Variants in ZSWIM6 observed in about 807,000 individuals in gnomAD.
ZSWIM6 encodes the protein zinc finger SWIM-type containing 6, also known as zinc finger SWIM domain-containing protein 6.
ZSWIM6 carries 9 observed loss-of-function variants against 113.2 expected under a neutral mutation model. The ratio of observed to expected loss-of-function variants is 0.08; its 90% CI spans 0.05 to 0.14. The LOEUF is 0.14. Ranked by LOEUF, ZSWIM6 falls within the 10% of genes least tolerant of loss-of-function variation. The pLI, the probability that ZSWIM6 is intolerant of heterozygous loss-of-function variation, is 1.00. For synonymous variants in ZSWIM6, 611 were observed against 606.5 expected (o/e 1.01, Z -0.11); for missense variants, 1,162 against 1,552.2 (o/e 0.75, Z 4.22).
At chr5:61,400,028 G>C (rs1745912514) in intron 1 of ZSWIM6, among the ~76,000 whole-genome samples, 1 of 152,164 alleles carries the variant, frequency 6.6e-6, no homozygotes, top group Non-Finnish European at 1.5e-5. Flanking sequence ...TTCCTGAGGG[G>C]CATGGACGTG....
intron 1 of ZSWIM6, among the ~76,000 whole-genome samples, chr5:61,346,445 C>T (rs1425248387): frequency 6.6e-6 from 1 of 152,154 alleles, no homozygotes; most frequent in Non-Finnish European, 1.5e-5. Flanking sequence ...AGATTGTCAG[C>T]TGACCTATTG....
rs200558063 is a variant in ZSWIM6 at position 61,494,391 on chromosome 5, G to A, written c.1314G>A (p.Arg438=). Residue 438 remains arginine (R), a synonymous_variant, in exon 4 of 14, where the codon AGG becomes AGA. Coordinates refer to ENST00000252744, the MANE Select transcript of ZSWIM6 (RefSeq NM_020928.2). ...QQGTAMTDKY[R]QLWDELGALW... ...GCACTGCAATGACTGACAAATACAG[G>A]CAGCTCTGGGATGAGCTGGGTAAGC... 4.4e-5 allele frequency: 69 copies of A among 1,550,880 alleles called. No individual in the cohort carries two copies. Among genetic ancestry groups the A allele is most frequent in the East Asian group, 3.4e-4 (14 of 40,924 alleles).
At chr5:61,432,464 C>T (rs369611619) in intron 1 of ZSWIM6, among the ~76,000 whole-genome samples, 3 of 152,280 alleles carry the variant, frequency 2.0e-5, no homozygotes, top group Admixed American at 6.5e-5. Context: ...GAACTGAATC[C>T]GTGTTGTGGA....
At chr5:61,398,262 G>A (rs866872461) in intron 1 of ZSWIM6, among the ~76,000 whole-genome samples, 14 of 152,302 alleles carry the variant, frequency 9.2e-5, no homozygotes, top group African/African-American at 3.4e-4. Flanking sequence ...GATCAGCAGA[G>A]ATTCTGATTC....
Position 61,544,507 on chromosome 5 carries a change from T to G in ZSWIM6, c.*190T>G, listed in dbSNP as rs1336152615. On this transcript the variant is annotated 3_prime_UTR_variant, in exon 14 of 14. Coordinates refer to ENST00000252744, the MANE Select transcript of ZSWIM6 (RefSeq NM_020928.2). ...TGTGTGTTTTTTATTTTTTCCCTAT[T>G]TCTTTCTTTCCTTTATTTTATTATT... 3 of 329,882 alleles carry G rather than the reference T, an allele frequency of 9.1e-6. No homozygotes were observed. The Admixed American group carries it at 1.4e-4, about 15-fold the overall frequency. 20.4% of individuals were successfully genotyped at this position (329,882 alleles called of 1,614,324 possible).
chr5:61,333,135 C>T (rs1041097810), intron 1 of ZSWIM6, among the ~76,000 whole-genome samples, 187 bp downstream of exon 1: 1 of 151,794 alleles, frequency 6.6e-6, no homozygotes, highest in African/African-American at 2.4e-5. Flanking sequence ...CCCTGCCCCC[C>T]GTCGCCCCGG....
At chr5:61,513,807 C>T (rs1389322507) in intron 4 of ZSWIM6, among the ~76,000 whole-genome samples, 1 of 151,982 alleles carries the variant, frequency 6.6e-6, no homozygotes, top group African/African-American at 2.4e-5. Context: ...CTATTCTGTT[C>T]CTTTGATCTA....
chr5:61,491,038 A>G, intron 3 of ZSWIM6, 104 bp downstream of exon 3: 2 of 1,177,904 alleles, frequency 1.7e-6, no homozygotes, highest in Non-Finnish European at 2.3e-6. Flanking sequence ...TAAAAATTAA[A>G]GAACAGGGTC....
At chr5:61,447,778 C>T (rs74320437) in intron 1 of ZSWIM6, among the ~76,000 whole-genome samples, 25,903 of 152,148 alleles carry the variant, frequency 0.17, 2,356 homozygotes, top group Non-Finnish European at 0.2. Context: ...ATCACTGAGA[C>T]AGTGAGTATT....
chr5:61,396,853 G>A lies in ZSWIM6; in HGVS notation c.676+63905G>A, dbSNP rs1017988498. The stretch of plus-strand genomic sequence containing the variant: ...GAAAGGGGAGTTAAATGAATTATCC[G>A]TCTAATGTCTTCCAAATATTCCTTA... On this transcript the variant is annotated intron_variant, in intron 1 of 13. Transcript: ENST00000252744. Among the ~76,000 whole-genome samples the A allele has an allele frequency of 5.9e-5, 9 of 152,128 alleles. No homozygotes were observed. The South Asian group carries it at 1.0e-3, about 17-fold the overall frequency.
At chr5:61,483,160 G>T (rs973936247) in intron 2 of ZSWIM6, among the ~76,000 whole-genome samples, 6 of 152,136 alleles carry the variant, frequency 3.9e-5, no homozygotes, top group South Asian at 2.1e-4. Flanking sequence ...CTTGCTGGTG[G>T]GGACTCTGTG....
At chr5:61,461,074 A>G (rs767665260) in intron 1 of ZSWIM6, among the ~76,000 whole-genome samples, 2 of 152,138 alleles carry the variant, frequency 1.3e-5, no homozygotes, top group Non-Finnish European at 2.9e-5. Flanking sequence ...TTGCTTTTGT[A>G]TTTAATTTTG....
At chr5:61,480,779 G>A (rs1327684034) in intron 2 of ZSWIM6, among the ~76,000 whole-genome samples, 1 of 152,100 alleles carries the variant, frequency 6.6e-6, no homozygotes, top group Non-Finnish European at 1.5e-5. Context: ...GCTAAAGTTT[G>A]TTGTCTTGCC....
At chr5:61,451,917 A>G (rs911963048) in intron 1 of ZSWIM6, among the ~76,000 whole-genome samples, 8 of 152,162 alleles carry the variant, frequency 5.3e-5, no homozygotes, top group Admixed American at 1.3e-4. Flanking sequence ...AGTAGTTACA[A>G]ATATATATGT....
intron 3 of ZSWIM6, among the ~76,000 whole-genome samples, chr5:61,492,848 T>G (rs1398966288): frequency 6.6e-6 from 1 of 152,118 alleles, no homozygotes; most frequent in Non-Finnish European, 1.5e-5. Flanking sequence ...GCTGCTTTAT[T>G]GAAGATCTAC....
intron 4 of ZSWIM6, among the ~76,000 whole-genome samples, chr5:61,506,957 T>C (rs1474469233): frequency 5.3e-5 from 8 of 152,174 alleles, no homozygotes; most frequent in Admixed American, 5.2e-4. Context: ...ATAAACATAA[T>C]AAAAAGTAGA....
intron 1 of ZSWIM6, among the ~76,000 whole-genome samples, chr5:61,335,818 T>G (rs1744379129): frequency 6.6e-6 from 1 of 152,230 alleles, no homozygotes; most frequent in Admixed American, 6.5e-5. Flanking sequence ...TAGTTACTGT[T>G]TCTCAACTTC....
intron 1 of ZSWIM6, among the ~76,000 whole-genome samples, chr5:61,420,086 C>G (rs1470611629): frequency 1.3e-5 from 2 of 152,196 alleles, no homozygotes; most frequent in Admixed American, 1.3e-4. Flanking sequence ...ACTGTAAAAT[C>G]TATTCAGATA....
intron 5 of ZSWIM6, 124 bp downstream of exon 5, chr5:61,521,566 A>G: frequency 3.0e-6 from 2 of 670,168 alleles, no homozygotes; most frequent in Middle Eastern, 2.7e-4. Context: ...CAACTCCAGT[A>G]CTTAATATGT....
Sources: allele counts gnomAD v4.1 joint callset (sites outside exome capture counted in the v4.1 genomes callset), GRCh38; gene constraint gnomAD v4.1.1; transcripts MANE v1.5; gene names NCBI Gene and HGNC (gene_info 2026-07-23, HGNC 2026-07-21).